The following NPEPPS variants were observed in gnomAD, a reference collection of about 807,000 sequenced individuals.
The protein encoded by NPEPPS is aminopeptidase puromycin sensitive.
Under a neutral mutation model 115.5 loss-of-function variants are expected in NPEPPS, and 14 were observed. That is an observed-to-expected ratio of 0.12 (90% CI 0.08 to 0.19). NPEPPS has a LOEUF of 0.19. Among genes scored for constraint, NPEPPS ranks in the 10% least tolerant of loss-of-function variants. NPEPPS has a pLI of 1.00. For missense variants in NPEPPS, 523 were observed against 1,110.8 expected (o/e 0.47, Z 7.52); for synonymous variants, 285 against 390.6 (o/e 0.73, Z 3.19).
In NPEPPS at chr17:47,531,211, T is replaced by C. The variant is rs1439229715; in HGVS notation, c.-90T>C. 3.0e-5 allele frequency: 34 copies of C among 1,137,140 alleles called. No homozygotes were observed. The African/African-American group carries it at 6.3e-4, about 21-fold the overall frequency. The allele number at this position is 1,137,140 out of a possible 1,614,324, so 70.4% of individuals were successfully genotyped here. On this transcript the variant is annotated 5_prime_UTR_variant, in exon 1 of 23. Transcript: ENST00000322157. ...CCGCCAGTCCGCCCGCACCGCCTCC[T>C]TCCCAGCCCCTAGCGCTCCGGCTGG...
intron 1 of NPEPPS, among the ~76,000 whole-genome samples, chr17:47,543,887 GTTTGTTTATTTA>G (rs1292136283): frequency 1.6e-5 from 2 of 126,662 alleles, no homozygotes; most frequent in Non-Finnish European, 1.8e-5. Context: ...TTGTTTGTTT[GTTTGTTTATTTA>G]TTTATTTATT....
At chr17:47,616,540 C>T (rs191742148) in intron 19 of NPEPPS, among the ~76,000 whole-genome samples, 324 of 151,834 alleles carry the variant, frequency 2.1e-3, no homozygotes, top group Non-Finnish European at 3.2e-3. Context: ...AAAAATTCGC[C>T]GGGTGTGGTG....
chr17:47,583,040 G>T (rs1194572870), intron 5 of NPEPPS, among the ~76,000 whole-genome samples, 191 bp downstream of exon 5: 1 of 148,178 alleles, frequency 6.7e-6, no homozygotes, highest in African/African-American at 2.5e-5. Flanking sequence ...TAGAGTTGGG[G>T]TCTCATTATG....
At position 47,537,187 on chromosome 17, in the gene NPEPPS, TA is replaced by T. The variant is rs909743065; in HGVS notation, c.255+5640del. On this transcript the variant is annotated intron_variant, in intron 1 of 22. Transcript: ENST00000322157. ...GAAAAAAAAAAGGAAGAAATTTTCT[TA>T]AAAAAAATTCATATATATAAAATTA... Among the ~76,000 whole-genome samples the T allele has an allele frequency of 5.3e-5, 8 of 151,958 alleles. No individual in the cohort carries two copies. The East Asian group carries it at 7.7e-4, about 15-fold the overall frequency.
intron 13 of NPEPPS, among the ~76,000 whole-genome samples, chr17:47,598,091 A>C (rs1912984059): frequency 6.6e-6 from 1 of 152,228 alleles, no homozygotes. Flanking sequence ...TGATGTTGAC[A>C]CTGCATATAG....
At chr17:47,591,161 C>T (rs1383471870) in intron 10 of NPEPPS, among the ~76,000 whole-genome samples, 1 of 151,912 alleles carries the variant, frequency 6.6e-6, no homozygotes. Context: ...CACCTGAGGT[C>T]GGGAGTTTGA....
At chr17:47,544,379 C>T (rs921523818) in intron 1 of NPEPPS, among the ~76,000 whole-genome samples, 8 of 152,266 alleles carry the variant, frequency 5.3e-5, no homozygotes, top group Non-Finnish European at 1.0e-4. Context: ...TTTATAGTGT[C>T]AGCCTTCTTC....
At chr17:47,566,773 C>A (rs1910844778) in intron 2 of NPEPPS, among the ~76,000 whole-genome samples, 1 of 151,458 alleles carries the variant, frequency 6.6e-6, no homozygotes, top group Non-Finnish European at 1.5e-5. Flanking sequence ...AATTTGATTT[C>A]TATTCAAATT....
chr17:47,543,330 A>G (rs1908923918), intron 1 of NPEPPS, among the ~76,000 whole-genome samples: 1 of 150,812 alleles, frequency 6.6e-6, no homozygotes, highest in Non-Finnish European at 1.5e-5. Flanking sequence ...TTTTTTTTAA[A>G]TTTTTGAGAC....
chr17:47,560,965 A>G (rs968290161), intron 2 of NPEPPS, among the ~76,000 whole-genome samples: 3 of 152,212 alleles, frequency 2.0e-5, no homozygotes, highest in Non-Finnish European at 2.9e-5. Context: ...TTTCAAATAG[A>G]TAATTTGTAA....
At chr17:47,615,611 G>C (rs932682621) in intron 19 of NPEPPS, among the ~76,000 whole-genome samples, 1 of 152,052 alleles carries the variant, frequency 6.6e-6, no homozygotes, top group Non-Finnish European at 1.5e-5. Flanking sequence ...TGAACATTAA[G>C]GTCCCTTCTC....
In NPEPPS at chr17:47,601,636, T is replaced by C. The variant is rs752848054; in HGVS notation, c.1629T>C (p.Pro543=). The change falls in exon 15 of 23, where the codon CCT becomes CCC. Residue 543 remains proline (P), a synonymous_variant. Transcript: ENST00000322157. ...VGEDCPQWMV[P]ITISTSEDPN... ...AAGATTGTCCCCAGTGGATGGTCCC[T>C]ATCACAATCTCTACTAGTGAAGACC... The C allele has an allele frequency of 1.7e-5, 28 of 1,612,844 alleles. No homozygotes were observed. The highest frequency in any genetic ancestry group is 2.2e-5 in the Non-Finnish European group (26 of 1,179,548).
intron 3 of NPEPPS, among the ~76,000 whole-genome samples, chr17:47,576,865 A>C (rs1911552079): frequency 6.6e-6 from 1 of 152,138 alleles, no homozygotes; most frequent in Non-Finnish European, 1.5e-5. Flanking sequence ...CCGTTCATTA[A>C]TATGGTGTAA....
intron 13 of NPEPPS, among the ~76,000 whole-genome samples, chr17:47,597,292 T>C (rs1299999014): frequency 6.6e-6 from 1 of 152,180 alleles, no homozygotes; most frequent in Non-Finnish European, 1.5e-5. Flanking sequence ...TGGTATGAGT[T>C]ATACTTCAAA....
intron 2 of NPEPPS, among the ~76,000 whole-genome samples, chr17:47,559,257 G>T (rs1358587961): frequency 2.0e-5 from 3 of 151,990 alleles, no homozygotes; most frequent in Admixed American, 6.6e-5. Context: ...GCCTAGGCTG[G>T]TCTCGAACTC....
intron 12 of NPEPPS, chr17:47,596,069 C>T (rs186719131): frequency 1.4e-3 from 303 of 212,610 alleles, no homozygotes; most frequent in African/African-American, 6.7e-3. Context: ...GGGAAGATCA[C>T]CTGAGTCTGG....
intron 1 of NPEPPS, among the ~76,000 whole-genome samples, chr17:47,541,878 AT>A (rs1908794084): frequency 6.6e-6 from 1 of 152,176 alleles, no homozygotes; most frequent in Non-Finnish European, 1.5e-5. Flanking sequence ...AAACATGAAG[AT>A]TTATGAGAAG....
intron 2 of NPEPPS, among the ~76,000 whole-genome samples, chr17:47,555,394 C>G (rs1184677395): frequency 6.9e-6 from 1 of 145,778 alleles, no homozygotes; most frequent in Non-Finnish European, 1.5e-5. Context: ...ATTGCCCAGG[C>G]TGGAGTGCAA....
At chr17:47,618,501 A>G (rs774943053) in intron 20 of NPEPPS, 44 bp downstream of exon 20, 1 of 1,307,474 alleles carries the variant, frequency 7.6e-7, no homozygotes, top group Non-Finnish European at 1.1e-6. Context: ...ATCGTTACCC[A>G]TCTCTGAGAA....
Sources: gnomAD v4.1 joint callset for allele counts (sites outside exome capture counted in the v4.1 genomes callset) on GRCh38, gnomAD v4.1.1 for gene constraint, MANE v1.5 for transcripts, NCBI Gene and HGNC (gene_info 2026-07-23, HGNC 2026-07-21) for gene names.